Variants in NREP observed in about 807,000 individuals in gnomAD.
NREP encodes the protein neuronal regeneration related protein.
Under a neutral mutation model 8.6 loss-of-function variants are expected in NREP, and 5 were observed. The observed-to-expected ratio is 0.58, with a 90% CI of 0.30 to 1.22. The LOEUF is 1.22. Ranked by LOEUF, NREP falls within the 50% of genes most tolerant of loss-of-function variation. NREP has a pLI of 0.07. For synonymous variants in NREP, 27 were observed against 28.0 expected (o/e 0.96, Z 0.11); for missense variants, 86 against 82.5 (o/e 1.04, Z -0.17).
intron 2 of NREP, among the ~76,000 whole-genome samples, chr5:111,817,384 A>G (rs1269387694): frequency 6.6e-6 from 1 of 152,128 alleles, no homozygotes; most frequent in East Asian, 1.9e-4. Context: ...TTTACCTTTA[A>G]TTTTGATGCA....
At chr5:111,856,884 G>A (rs1753438953) in intron 2 of NREP, among the ~76,000 whole-genome samples, 2 of 152,090 alleles carry the variant, frequency 1.3e-5, no homozygotes, top group Non-Finnish European at 2.9e-5. Flanking sequence ...TGGTTGAGTA[G>A]TCATGCTTTC....
intron 2 of NREP, among the ~76,000 whole-genome samples, chr5:111,749,130 T>C (rs1170052249): frequency 6.6e-6 from 1 of 152,126 alleles, no homozygotes; most frequent in Non-Finnish European, 1.5e-5. Context: ...CAATCCACTA[T>C]GGCTAGAAAT....
chr5:111,929,531 C>A (rs1755480564), intron 2 of NREP, among the ~76,000 whole-genome samples: 1 of 152,198 alleles, frequency 6.6e-6, no homozygotes, highest in South Asian at 2.1e-4. Context: ...TATATTTAGA[C>A]AGTTTTTAAC....
chr5:111,874,261 T>C (rs1346045185), intron 2 of NREP, among the ~76,000 whole-genome samples: 1 of 152,230 alleles, frequency 6.6e-6, no homozygotes, highest in Non-Finnish European at 1.5e-5. Flanking sequence ...GAATCACTTG[T>C]ATTAACACTG....
chr5:111,796,693 A>C (rs1751880189), intron 2 of NREP, among the ~76,000 whole-genome samples: 1 of 152,218 alleles, frequency 6.6e-6, no homozygotes, highest in Non-Finnish European at 1.5e-5. Flanking sequence ...GTAAGTGCTA[A>C]TAGATAACTC....
At chr5:111,848,356 A>C (rs1753229616) in intron 2 of NREP, among the ~76,000 whole-genome samples, 1 of 152,176 alleles carries the variant, frequency 6.6e-6, no homozygotes, top group Non-Finnish European at 1.5e-5. Context: ...AAAGCTTTCA[A>C]ATTAGTGCAG....
chr5:111,756,296 T>TAAAAAAA, intron 1 of NREP: 7 of 237,962 alleles, frequency 2.9e-5, no homozygotes, highest in Non-Finnish European at 3.6e-5. Flanking sequence ...CTTCCGTGTT[T>TAAAAAAA]AAAAAAAAAA....
rs115336331 is a variant in NREP at position 111,766,519 on chromosome 5, G to A, written c.136-31012C>T. 3.8e-3 allele frequency among the ~76,000 whole-genome samples: 578 copies of A among 152,324 alleles called. 1 individual carries two copies. Among genetic ancestry groups the A allele is most frequent in the African/African-American group, 0.013 (538 of 41,568 alleles). Reference sequence around the variant, plus strand: ...TGGTTAGAGAACCAAGAACACAAGCGTGAAGGGAAGTGTAATGTTATTCCC... The same window carrying A: ...TGGTTAGAGAACCAAGAACACAAGCATGAAGGGAAGTGTAATGTTATTCCC... On this transcript the variant is annotated intron_variant, in intron 2 of 3. Transcript: ENST00000395634.
intron 2 of NREP, among the ~76,000 whole-genome samples, chr5:111,883,878 T>G (rs1171060581): frequency 6.6e-6 from 1 of 151,876 alleles, no homozygotes; most frequent in East Asian, 1.9e-4. Flanking sequence ...GCAGGAAAGA[T>G]CTAAAATTCA....
intron 2 of NREP, among the ~76,000 whole-genome samples, chr5:111,818,447 T>C (rs1014523581): frequency 1.8e-4 from 28 of 152,254 alleles, no homozygotes; most frequent in Admixed American, 1.6e-3. Flanking sequence ...CTAATATTTT[T>C]AATATTCACA....
intron 2 of NREP, among the ~76,000 whole-genome samples, chr5:111,918,165 T>A (rs1023439578): frequency 6.6e-6 from 1 of 152,066 alleles, no homozygotes; most frequent in Admixed American, 6.6e-5. Flanking sequence ...GTGAAGGACC[T>A]CTTCAAGGAG....
intron 2 of NREP, among the ~76,000 whole-genome samples, chr5:111,845,056 G>A (rs1424134807): frequency 6.6e-6 from 1 of 152,060 alleles, no homozygotes. Flanking sequence ...CGGGAGCCTG[G>A]GGCCACAGAG....
At chr5:111,849,127 C>T (rs138880884) in intron 2 of NREP, among the ~76,000 whole-genome samples, 1 of 152,120 alleles carries the variant, frequency 6.6e-6, no homozygotes, top group African/African-American at 2.4e-5. Flanking sequence ...ATGTGACAAG[C>T]AGGGAGCTTC....
At chr5:111,772,026 T>C (rs1199330205) in intron 2 of NREP, among the ~76,000 whole-genome samples, 1 of 152,194 alleles carries the variant, frequency 6.6e-6, no homozygotes, top group Non-Finnish European at 1.5e-5. Context: ...GGAGAACTTT[T>C]AGAGGAAATG....
intron 2 of NREP, among the ~76,000 whole-genome samples, chr5:111,954,942 T>G (rs145071083): frequency 6.6e-6 from 1 of 152,270 alleles, no homozygotes; most frequent in Non-Finnish European, 1.5e-5. Flanking sequence ...GGAAGAATGC[T>G]AAAAAGAGCA....
intron 2 of NREP, among the ~76,000 whole-genome samples, chr5:111,895,456 T>C (rs548124269): frequency 1.3e-5 from 2 of 151,900 alleles, no homozygotes; most frequent in Non-Finnish European, 2.9e-5. Flanking sequence ...TTCAGTGCCA[T>C]GGAAAAAAAA....
chr5:111,884,177 C>A (rs887097775), intron 2 of NREP, among the ~76,000 whole-genome samples: 2 of 151,668 alleles, frequency 1.3e-5, no homozygotes, highest in African/African-American at 2.4e-5. Flanking sequence ...AAACTACCAT[C>A]AGAGAATACT....
At chr5:111,953,718 T>C (rs947731389) in intron 2 of NREP, among the ~76,000 whole-genome samples, 1 of 152,076 alleles carries the variant, frequency 6.6e-6, no homozygotes, top group African/African-American at 2.4e-5. Context: ...CAATGAATTC[T>C]GCTTGGGAAA....
rs551380499 is a variant in NREP at position 111,972,512 on chromosome 5, T to C, written c.135+2762A>G. Among the ~76,000 whole-genome samples the C allele has an allele frequency of 2.6e-5, 4 of 152,330 alleles. No individual in the cohort carries two copies. The South Asian group carries it at 8.3e-4, about 32-fold the overall frequency. ...CCATTCATATGATTTTATTTTTTAA[T>C]TATTTACTGACAACATTTACTGCCT... On this transcript the variant is annotated intron_variant, in intron 2 of 3. Coordinates refer to the NREP transcript ENST00000395634.
Sources: allele counts gnomAD v4.1 joint callset (sites outside exome capture counted in the v4.1 genomes callset), GRCh38; gene constraint gnomAD v4.1.1; transcripts MANE v1.5; gene names NCBI Gene and HGNC (gene_info 2026-07-23, HGNC 2026-07-21).